PDE1C: variants seen among roughly 807,000 people sequenced by gnomAD.
PDE1C encodes the protein phosphodiesterase 1C.
PDE1C carries 62 observed loss-of-function variants against 93.1 expected under a neutral mutation model. The ratio of observed to expected loss-of-function variants is 0.67; its 90% CI spans 0.54 to 0.82. The LOEUF (loss-of-function observed/expected upper bound fraction) is 0.82. Among genes scored for constraint, PDE1C ranks in the 40% least tolerant of loss-of-function variants. PDE1C has a pLI of 0.00. For missense variants in PDE1C, 742 were observed against 884.6 expected, an observed-to-expected ratio of 0.84 and a Z score of 2.04; for synonymous variants, 325 against 310.1, an observed-to-expected ratio of 1.05 and a Z score of -0.50.
At chr7:31,778,271 C>T (rs528260398) in intron 16 of PDE1C, among the ~76,000 whole-genome samples, 1 of 152,274 alleles carries the variant, frequency 6.6e-6, no homozygotes, top group African/African-American at 2.4e-5. Flanking sequence ...AACAAATAGG[C>T]CCCATTAGGA....
chr7:31,942,519 G>A (rs754375312), intron 2 of PDE1C, among the ~76,000 whole-genome samples: 2 of 152,036 alleles, frequency 1.3e-5, no homozygotes, highest in African/African-American at 2.4e-5. Context: ...ACTAATCCAA[G>A]GAGTATTAAA....
At chr7:31,621,702 C>T in the PDE1C span, among the ~76,000 whole-genome samples, 33 of 144,822 alleles carry the variant, frequency 2.3e-4, no homozygotes, top group Non-Finnish European at 3.4e-4. Flanking sequence ...CATCAACTAA[C>T]GAGCAAAATA....
At chr7:31,691,797 T>A in the PDE1C span, among the ~76,000 whole-genome samples, 7 of 86,540 alleles carry the variant, frequency 8.1e-5, no homozygotes, top group Non-Finnish European at 1.1e-4. Flanking sequence ...ATGTAATGAT[T>A]AAAAAAAAAA....
At chr7:31,917,700 T>C (rs532719350) in intron 2 of PDE1C, among the ~76,000 whole-genome samples, 23 of 152,324 alleles carry the variant, frequency 1.5e-4, no homozygotes, top group Admixed American at 2.0e-4. Flanking sequence ...TAAACTGCAT[T>C]AAGAGCCTGG....
At chr7:32,113,399 T>C (rs1449171164) in intron 3 of PDE1C, among the ~76,000 whole-genome samples, 2 of 150,104 alleles carry the variant, frequency 1.3e-5, no homozygotes, top group Middle Eastern at 3.2e-3. Context: ...TGTGAATCCA[T>C]GCACACTGTT....
intron 1 of PDE1C, among the ~76,000 whole-genome samples, chr7:32,370,385 C>T (rs1396316847): frequency 6.7e-6 from 1 of 149,688 alleles, no homozygotes; most frequent in Non-Finnish European, 1.5e-5. Flanking sequence ...GGAGGCAGAG[C>T]TTGCAGTGAG....
At chr7:31,689,445 G>C in the PDE1C span, among the ~76,000 whole-genome samples, 8 of 152,088 alleles carry the variant, frequency 5.3e-5, no homozygotes, top group Non-Finnish European at 8.8e-5. Flanking sequence ...ACCTTCCCTG[G>C]GCAGCCCAAC....
At chr7:31,765,206 G>C (rs1444189533) in intron 17 of PDE1C, among the ~76,000 whole-genome samples, 1 of 152,138 alleles carries the variant, frequency 6.6e-6, no homozygotes, top group Non-Finnish European at 1.5e-5. Flanking sequence ...GGAAAAATCG[G>C]CTCTTTTTCA....
the PDE1C span, chr7:31,642,326 C>T: frequency 2.8e-6 from 3 of 1,081,034 alleles, no homozygotes; most frequent in Non-Finnish European, 2.7e-6. Context: ...ATCAACCAGG[C>T]TGCCACCCAA....
chr7:32,423,736 CA>C (rs1785478935), intron 1 of PDE1C, among the ~76,000 whole-genome samples: 1 of 152,170 alleles, frequency 6.6e-6, no homozygotes, highest in Non-Finnish European at 1.5e-5. Context: ...AGCAATGAGT[CA>C]GCAAGACAAT....
At chr7:31,811,660 G>C (rs1019475249) in intron 15 of PDE1C, among the ~76,000 whole-genome samples, 4 of 152,128 alleles carry the variant, frequency 2.6e-5, no homozygotes, top group African/African-American at 9.6e-5. Context: ...AGCCCTCTAG[G>C]TTGCTCTGAA....
chr7:32,082,212 C>A (rs1203224576), intron 3 of PDE1C, among the ~76,000 whole-genome samples: 2 of 152,138 alleles, frequency 1.3e-5, no homozygotes, highest in Non-Finnish European at 2.9e-5. Context: ...GAGATTATAT[C>A]CCGCACATGG....
At chr7:31,680,892 T>A in the PDE1C span, among the ~76,000 whole-genome samples, 1 of 152,154 alleles carries the variant, frequency 6.6e-6, no homozygotes, top group Non-Finnish European at 1.5e-5. Flanking sequence ...TGGAGACATA[T>A]TGCAGATCAG....
chr7:31,721,774 A>G, the PDE1C span, among the ~76,000 whole-genome samples: 4,336 of 152,316 alleles, frequency 0.028, 103 homozygotes, highest in African/African-American at 0.038. Context: ...GCCTTGAAAG[A>G]GCCAGGCTAA....
chr7:32,330,669 G>T (rs1399658777), intron 1 of PDE1C, among the ~76,000 whole-genome samples: 1 of 152,120 alleles, frequency 6.6e-6, no homozygotes, highest in Admixed American at 6.5e-5. Flanking sequence ...TTGAGAGCTG[G>T]CCAAGGCCTG....
chr7:31,813,563 C>CA (rs1294646374), intron 15 of PDE1C, among the ~76,000 whole-genome samples: 10 of 152,076 alleles, frequency 6.6e-5, no homozygotes, highest in African/African-American at 2.2e-4. Flanking sequence ...GAAGGGGTAG[C>CA]AAGGAGGGGC....
At chr7:31,955,309 C>T (rs1249697743) in intron 2 of PDE1C, among the ~76,000 whole-genome samples, 1 of 152,146 alleles carries the variant, frequency 6.6e-6, no homozygotes. Context: ...TTCATTAAAT[C>T]CTTCCCACTG....
chr7:31,998,296 A>G (rs573870771), intron 2 of PDE1C, among the ~76,000 whole-genome samples: 71 of 152,246 alleles, frequency 4.7e-4, no homozygotes, highest in Non-Finnish European at 8.1e-4. Context: ...TGGGATTACA[A>G]GTGTGAGCCA....
intron 1 of PDE1C, among the ~76,000 whole-genome samples, chr7:32,388,555 C>A (rs1214746995): frequency 6.6e-6 from 1 of 151,872 alleles, no homozygotes; most frequent in Non-Finnish European, 1.5e-5. Context: ...GGGTGCACAT[C>A]TGTAGTCCCA....
Sources: gnomAD v4.1 joint callset for allele counts (sites outside exome capture counted in the v4.1 genomes callset) on GRCh38, gnomAD v4.1.1 for gene constraint, MANE v1.5 for transcripts, NCBI Gene and HGNC (gene_info 2026-07-23, HGNC 2026-07-21) for gene names.